Variants in UPP2 observed in about 807,000 individuals in gnomAD.
UPP2 encodes the protein uridine phosphorylase 2.
In UPP2, 23 loss-of-function variants were observed where a neutral mutation model predicts 26.7. That is an observed-to-expected ratio of 0.86 (90% CI 0.62 to 1.22). UPP2 has a LOEUF of 1.22. UPP2 is among the 50% of genes most tolerant of loss of function. The probability of loss-of-function intolerance (pLI) is 0.00; values close to 1 mark genes in which losing one functional copy is unlikely to be tolerated. For synonymous variants in UPP2, 127 were observed against 141.3 expected (o/e 0.90, Z 0.72); for missense variants, 387 against 396.7 (o/e 0.98, Z 0.21).
At chr2:158,019,639 AACACACACACACACACACACAC>A (rs57149695) in intron 3 of UPP2, among the ~76,000 whole-genome samples, 67 of 141,196 alleles carry the variant, frequency 4.7e-4, no homozygotes, top group Admixed American at 1.2e-3. Flanking sequence ...AATCCTTTAA[AACACACACACACACACACACAC>A]ACACACACAC....
At chr2:158,098,312 G>A (rs1683018826), upstream of UPP2, among the ~76,000 whole-genome samples, 1 of 152,182 alleles carries the variant, frequency 6.6e-6, no homozygotes, top group African/African-American at 2.4e-5. Flanking sequence ...GCATAGGCCA[G>A]CCTGAGAACA....
intron 2 of UPP2, among the ~76,000 whole-genome samples, chr2:158,109,544 C>T (rs893264362): frequency 2.6e-5 from 4 of 152,226 alleles, no homozygotes; most frequent in Middle Eastern, 3.4e-3. Flanking sequence ...CAGATGACAG[C>T]GACAATATGT....
chr2:158,110,686 G>C (rs996653742), intron 2 of UPP2, among the ~76,000 whole-genome samples: 1 of 152,104 alleles, frequency 6.6e-6, no homozygotes, highest in Admixed American at 6.5e-5. Flanking sequence ...GTTGTTTCCT[G>C]ACTTTTTAAT....
At chr2:158,080,029 GC>G (rs1182624368) in intron 3 of UPP2, among the ~76,000 whole-genome samples, 1 of 152,054 alleles carries the variant, frequency 6.6e-6, no homozygotes, top group Non-Finnish European at 1.5e-5. Flanking sequence ...CCTGGTCTTA[GC>G]CCCTTGACTC....
At chr2:158,091,258 T>A (rs976516608) in intron 3 of UPP2, among the ~76,000 whole-genome samples, 1 of 152,100 alleles carries the variant, frequency 6.6e-6, no homozygotes, top group Non-Finnish European at 1.5e-5. Flanking sequence ...GTAAAATAGA[T>A]ATGGACTACA....
intron 3 of UPP2, among the ~76,000 whole-genome samples, chr2:158,027,999 C>T (rs796268862): frequency 1.1e-4 from 16 of 152,274 alleles, no homozygotes; most frequent in East Asian, 5.8e-4. Context: ...GCCAGGCCCA[C>T]GAAACCATTT....
At chr2:158,133,261 C>A (rs1002546201) in intron 6 of UPP2, among the ~76,000 whole-genome samples, 15 of 152,084 alleles carry the variant, frequency 9.9e-5, no homozygotes, top group Admixed American at 2.6e-4. Context: ...GTGAAATAAG[C>A]CAGGCACAGA....
chr2:158,053,130 T>G (rs1295789349), intron 3 of UPP2, among the ~76,000 whole-genome samples: 1 of 152,032 alleles, frequency 6.6e-6, no homozygotes, highest in African/African-American at 2.4e-5. Flanking sequence ...ACACCAAGTG[T>G]AAAGAAGGTG....
chr2:158,122,607 A>G (rs1485547727), intron 5 of UPP2, among the ~76,000 whole-genome samples: 1 of 152,130 alleles, frequency 6.6e-6, no homozygotes, highest in African/African-American at 2.4e-5. Flanking sequence ...TGGCCTGCAC[A>G]GTATTTTTAA....
chr2:158,037,403 TG>T (rs1323034314), intron 3 of UPP2, among the ~76,000 whole-genome samples: 2 of 151,982 alleles, frequency 1.3e-5, no homozygotes, highest in Admixed American at 1.3e-4. Flanking sequence ...AAAATCCTTT[TG>T]GGGGGATATA....
chr2:158,038,582 A>G (rs2079656), intron 3 of UPP2, among the ~76,000 whole-genome samples: 91,922 of 152,174 alleles, frequency 0.6, 28,735 homozygotes, highest in East Asian at 0.95. Flanking sequence ...TAGCACTGCT[A>G]TAGAAAGAAG....
At position 158,115,197 on chromosome 2, in the gene UPP2, G is replaced by T; in HGVS notation, c.277G>T (p.Asp93Tyr). ...TGAGGAAGCTGAAGAAGACATAAAA[G>T]ACATCTGTGCTGGGACAGACAGATA... The part of the protein sequence containing the change: ...GFEEAEEDIK[D>Y]ICAGTDRYCM... The change falls in exon 3 of 7, where the codon GAC (aspartate) becomes TAC (tyrosine). Residue 93 changes from aspartate to tyrosine, a missense_variant. Transcript: ENST00000005756. 1 of 1,613,688 alleles carries T rather than the reference G, an allele frequency of 6.2e-7. No individual in the cohort carries two copies. Among genetic ancestry groups the T allele is most frequent in the African/African-American group, 1.3e-5 (1 of 74,966 alleles).
At chr2:158,037,262 G>C (rs1331099609) in intron 3 of UPP2, among the ~76,000 whole-genome samples, 2 of 151,898 alleles carry the variant, frequency 1.3e-5, no homozygotes, top group Non-Finnish European at 2.9e-5. Flanking sequence ...GTAATCCCAG[G>C]TGCTCGGGAG....
At chr2:158,020,031 TA>T (rs1184533034) in intron 3 of UPP2, among the ~76,000 whole-genome samples, 2 of 152,248 alleles carry the variant, frequency 1.3e-5, no homozygotes, top group Non-Finnish European at 2.9e-5. Flanking sequence ...GCATAAAGGC[TA>T]AGGTGACTGT....
intron 2 of UPP2, among the ~76,000 whole-genome samples, chr2:158,002,582 G>C (rs73968529): frequency 0.13 from 19,960 of 152,230 alleles, 1,942 homozygotes; most frequent in African/African-American, 0.27. Flanking sequence ...GATTCAGACC[G>C]TATTGAAGGG....
chr2:158,025,648 G>A (rs1437878232), intron 3 of UPP2, among the ~76,000 whole-genome samples: 1 of 152,254 alleles, frequency 6.6e-6, no homozygotes, highest in African/African-American at 2.4e-5. Context: ...ATTCCACAGG[G>A]ATAGGTTGGA....
At chr2:158,078,361 G>T (rs1682664621) in intron 3 of UPP2, among the ~76,000 whole-genome samples, 1 of 152,144 alleles carries the variant, frequency 6.6e-6, no homozygotes, top group South Asian at 2.1e-4. Context: ...GTTCACAACA[G>T]CCAAGATTTG....
intron 2 of UPP2, among the ~76,000 whole-genome samples, chr2:158,011,861 A>G: frequency 6.6e-6 from 1 of 152,138 alleles, no homozygotes; most frequent in East Asian, 1.9e-4. Context: ...TGTAAATGGT[A>G]GTGGGGTGGG....
intron 3 of UPP2, among the ~76,000 whole-genome samples, chr2:158,073,912 C>T (rs930273332): frequency 3.9e-5 from 6 of 152,240 alleles, no homozygotes; most frequent in East Asian, 1.9e-4. Flanking sequence ...TAGTGGCTGA[C>T]GTCTGTAATT....
Sources: allele counts gnomAD v4.1 joint callset (sites outside exome capture counted in the v4.1 genomes callset), GRCh38; gene constraint gnomAD v4.1.1; transcripts MANE v1.5; gene names NCBI Gene and HGNC (gene_info 2026-07-23, HGNC 2026-07-21).